CNTN6: variants seen among roughly 807,000 people sequenced by gnomAD.
CNTN6 encodes contactin 6.
CNTN6 carries 137 observed loss-of-function variants against 122.8 expected under a neutral mutation model. The ratio of observed to expected loss-of-function variants is 1.12; its 90% confidence interval spans 0.97 to 1.29. The LOEUF is 1.29. CNTN6 is among the 50% of genes most tolerant of loss of function. The pLI is 0.00. For missense variants in CNTN6, 1,634 were observed against 1,223.4 expected (o/e 1.34, Z -5.01); for synonymous variants, 570 against 426.0 (o/e 1.34, Z -4.16).
intron 2 of CNTN6, among the ~76,000 whole-genome samples, chr3:1,158,703 G>A (rs568244914): frequency 6.7e-6 from 1 of 148,364 alleles, no homozygotes; most frequent in East Asian, 2.0e-4. Context: ...CTCCTGACTA[G>A]CTGAAACTAC....
At chr3:1,237,800 A>G (rs1411458240) in intron 4 of CNTN6, among the ~76,000 whole-genome samples, 1 of 152,198 alleles carries the variant, frequency 6.6e-6, no homozygotes, top group Admixed American at 6.5e-5. Flanking sequence ...CAGTTAAAGT[A>G]AGCTTCATAA....
At chr3:1,336,709 G>A (rs1454135381) in intron 11 of CNTN6, among the ~76,000 whole-genome samples, 1 of 152,062 alleles carries the variant, frequency 6.6e-6, no homozygotes, top group Admixed American at 6.6e-5. Context: ...GAACCCATTA[G>A]GTGAATTGGA....
chr3:1,246,954 A>T (rs77247955), intron 4 of CNTN6, among the ~76,000 whole-genome samples: 2,972 of 152,248 alleles, frequency 0.02, 79 homozygotes, highest in African/African-American at 0.063. Flanking sequence ...AACCGCTTCT[A>T]CTGTGTCGCT....
intron 1 of CNTN6, among the ~76,000 whole-genome samples, chr3:1,098,751 G>A (rs1429517714): frequency 8.1e-6 from 1 of 123,684 alleles, no homozygotes; most frequent in Admixed American, 9.4e-5. Context: ...TCTTTTGGCA[G>A]TAATGCACAC....
chr3:1,096,996 A>G (rs896687200), intron 1 of CNTN6, among the ~76,000 whole-genome samples: 18 of 152,328 alleles, frequency 1.2e-4, no homozygotes, highest in African/African-American at 3.8e-4. Context: ...TTAAATAGCA[A>G]TCTTTCAGTT....
At chr3:1,403,007 A>G (rs1452183241) in intron 22 of CNTN6, among the ~76,000 whole-genome samples, 6 of 152,106 alleles carry the variant, frequency 3.9e-5, no homozygotes, top group Non-Finnish European at 8.8e-5. Flanking sequence ...TTTGCATTAG[A>G]AAAATCACTT....
intron 12 of CNTN6, among the ~76,000 whole-genome samples, chr3:1,358,973 T>A (rs1379917257): frequency 2.0e-5 from 3 of 151,962 alleles, no homozygotes; most frequent in Non-Finnish European, 4.4e-5. Context: ...GATGGAAGGA[T>A]CACTTGAGCT....
chr3:1,391,297 CA>C (rs1422980862), intron 20 of CNTN6, among the ~76,000 whole-genome samples: 1 of 123,626 alleles, frequency 8.1e-6, no homozygotes, highest in African/African-American at 3.5e-5. Context: ...GAGCCAAAGA[CA>C]AAAACCACAT....
intron 4 of CNTN6, among the ~76,000 whole-genome samples, chr3:1,259,131 T>G (rs1252641045): frequency 6.6e-6 from 1 of 152,160 alleles, no homozygotes; most frequent in Non-Finnish European, 1.5e-5. Flanking sequence ...CTACCAATGA[T>G]GACTGTTAAC....
chr3:1,234,859 C>T (rs2094401515), intron 4 of CNTN6, among the ~76,000 whole-genome samples: 1 of 152,096 alleles, frequency 6.6e-6, no homozygotes, highest in Admixed American at 6.5e-5. Flanking sequence ...AATGAAATAA[C>T]AGCATAACCA....
intron 2 of CNTN6, among the ~76,000 whole-genome samples, chr3:1,158,903 CATATATAT>C (rs1292014447): frequency 8.1e-6 from 1 of 124,170 alleles, no homozygotes; most frequent in Admixed American, 8.1e-5. Context: ...TATATATACA[CATATATAT>C]ACACACACAT....
intron 5 of CNTN6, among the ~76,000 whole-genome samples, chr3:1,292,690 C>T (rs1227810465): frequency 6.6e-6 from 1 of 152,142 alleles, no homozygotes; most frequent in African/African-American, 2.4e-5. Flanking sequence ...CAAGTTGCAG[C>T]TCATTCTAGT....
intron 16 of CNTN6, among the ~76,000 whole-genome samples, chr3:1,375,700 T>C (rs929035856): frequency 1.3e-5 from 2 of 152,070 alleles, no homozygotes; most frequent in Non-Finnish European, 2.9e-5. Flanking sequence ...ATCAAAGGCA[T>C]TGGAAGTCTT....
intron 2 of CNTN6, among the ~76,000 whole-genome samples, chr3:1,165,783 C>T (rs899068976): frequency 6.6e-6 from 1 of 152,164 alleles, no homozygotes; most frequent in African/African-American, 2.4e-5. Context: ...GATAACATGG[C>T]AGGTCAGTAA....
At chr3:1,190,705 AG>A (rs1256111871) in intron 2 of CNTN6, among the ~76,000 whole-genome samples, 1 of 152,188 alleles carries the variant, frequency 6.6e-6, no homozygotes, top group African/African-American at 2.4e-5. Context: ...AACAGCGGTG[AG>A]GGAGGGATAA....
chr3:1,240,480 C>T (rs560876645), intron 4 of CNTN6, among the ~76,000 whole-genome samples: 30 of 152,196 alleles, frequency 2.0e-4, no homozygotes, highest in African/African-American at 6.7e-4. Flanking sequence ...GCAATACGAC[C>T]TCCCTCCTGC....
At chr3:1,384,728 C>T (rs1318161192) in intron 19 of CNTN6, among the ~76,000 whole-genome samples, 4 of 130,054 alleles carry the variant, frequency 3.1e-5, no homozygotes, top group South Asian at 2.3e-4. Flanking sequence ...TATATATACA[C>T]ACATATATAT....
At chr3:1,219,289 C>G (rs1369056018) in intron 2 of CNTN6, among the ~76,000 whole-genome samples, 2 of 152,102 alleles carry the variant, frequency 1.3e-5, no homozygotes, top group African/African-American at 4.8e-5. Context: ...GAAGTCTTAA[C>G]CTTCTACCTG....
intron 5 of CNTN6, among the ~76,000 whole-genome samples, chr3:1,279,759 G>A (rs1693040434): frequency 1.3e-5 from 2 of 152,152 alleles, no homozygotes; most frequent in South Asian, 4.1e-4. Flanking sequence ...TCTTATTTAT[G>A]AGCCTTGAGA....
Sources: allele counts gnomAD v4.1 joint callset (sites outside exome capture counted in the v4.1 genomes callset), GRCh38; gene constraint gnomAD v4.1.1; transcripts MANE v1.5; gene names NCBI Gene and HGNC (gene_info 2026-07-23, HGNC 2026-07-21).